Variants in APBB2 observed in about 807,000 individuals in gnomAD.
APBB2 encodes the protein Fe65-like 1.
A neutral mutation model predicts 82.5 loss-of-function variants in APBB2; 38 were observed. The observed-to-expected ratio is 0.46, with a 90% CI of 0.36 to 0.60. APBB2 has a LOEUF of 0.60. Ranked by LOEUF, APBB2 falls within the 20% of genes least tolerant of loss-of-function variation. The pLI is 0.00. For missense variants in APBB2, 772 were observed against 972.3 expected (o/e 0.79, Z 2.74); for synonymous variants, 341 against 368.2 (o/e 0.93, Z 0.85).
chr4:41,149,756 C>T (rs1030485172), intron 1 of APBB2, among the ~76,000 whole-genome samples: 4 of 152,062 alleles, frequency 2.6e-5, no homozygotes, highest in East Asian at 1.9e-4. Flanking sequence ...ACCCAGTGGG[C>T]GGTAACTGAA....
At chr4:41,112,866 A>G (rs929858223) in intron 2 of APBB2, among the ~76,000 whole-genome samples, 1 of 152,148 alleles carries the variant, frequency 6.6e-6, no homozygotes, top group Non-Finnish European at 1.5e-5. Context: ...ATGCACCTGT[A>G]ATCCCAGCTA....
intron 1 of APBB2, among the ~76,000 whole-genome samples, chr4:41,179,669 T>C (rs538574040): frequency 3.3e-4 from 50 of 152,356 alleles, no homozygotes; most frequent in African/African-American, 9.6e-4. Flanking sequence ...TAAATGCTGG[T>C]ACAAGAAATG....
intron 12 of APBB2, chr4:40,880,977 T>A: frequency 1.0e-6 from 1 of 985,422 alleles, no homozygotes; most frequent in Non-Finnish European, 1.2e-6. Flanking sequence ...GCCCTCCCAC[T>A]TTCCTCTAAG....
At chr4:41,098,987 T>C (rs1056654253) in intron 3 of APBB2, among the ~76,000 whole-genome samples, 4 of 152,206 alleles carry the variant, frequency 2.6e-5, no homozygotes, top group African/African-American at 9.6e-5. Flanking sequence ...TAACATGTGA[T>C]TACAAGACAA....
chr4:40,946,779 G>A (rs530212006), intron 6 of APBB2, among the ~76,000 whole-genome samples: 8 of 152,276 alleles, frequency 5.3e-5, no homozygotes, highest in African/African-American at 9.6e-5. Context: ...AAAAGCAACC[G>A]GAGTGCTTTC....
intron 12 of APBB2, among the ~76,000 whole-genome samples, chr4:40,831,843 T>C (rs2164344): frequency 0.8 from 121,634 of 152,084 alleles, 49,125 homozygotes; most frequent in African/African-American, 0.9. Flanking sequence ...ATGCAGCCGA[T>C]GTTGGGTGTT....
intron 3 of APBB2, among the ~76,000 whole-genome samples, chr4:41,071,424 T>C (rs1733835991): frequency 6.6e-6 from 1 of 152,222 alleles, no homozygotes; most frequent in South Asian, 2.1e-4. Context: ...CTCACACCTA[T>C]AATCCTAGCA....
intron 17 of APBB2, among the ~76,000 whole-genome samples, chr4:40,820,695 C>T (rs180942540): frequency 2.0e-5 from 3 of 152,042 alleles, no homozygotes; most frequent in Admixed American, 6.5e-5. Flanking sequence ...AATCTAAATA[C>T]AATCAATTCA....
chr4:40,939,823 T>C (rs1786369955), intron 7 of APBB2, among the ~76,000 whole-genome samples: 1 of 152,082 alleles, frequency 6.6e-6, no homozygotes. Context: ...TATCAGAAGA[T>C]TACAGCATTA....
intron 12 of APBB2, chr4:40,881,314 G>T (rs1466831183): frequency 2.0e-6 from 2 of 984,968 alleles, no homozygotes; most frequent in African/African-American, 3.5e-5. Context: ...GCAGATCTTG[G>T]AATTCCATCA....
chr4:41,062,414 G>A (rs140882116), intron 4 of APBB2, among the ~76,000 whole-genome samples: 6,660 of 151,858 alleles, frequency 0.044, 226 homozygotes, highest in Middle Eastern at 0.082. Flanking sequence ...CCTGACCTCC[G>A]GTGATCCGCC....
chr4:41,019,391 G>A (rs1579291306), intron 5 of APBB2, among the ~76,000 whole-genome samples: 1 of 152,180 alleles, frequency 6.6e-6, no homozygotes, highest in Non-Finnish European at 1.5e-5. Context: ...CACGCTAGGA[G>A]GGAAGAGAGG....
At chr4:40,894,015 G>A (rs1053094424) in intron 10 of APBB2, among the ~76,000 whole-genome samples, 3 of 150,766 alleles carry the variant, frequency 2.0e-5, no homozygotes, top group Non-Finnish European at 3.0e-5. Context: ...AGGGCCGGGC[G>A]CGGTGGCTCA....
chr4:40,998,676 T>C (rs1410026611), intron 6 of APBB2, among the ~76,000 whole-genome samples: 2 of 152,086 alleles, frequency 1.3e-5, no homozygotes, highest in African/African-American at 4.8e-5. Flanking sequence ...ATTAAAGAGA[T>C]TTTCAAATAC....
chr4:40,982,845 G>C (rs990573455), intron 6 of APBB2, among the ~76,000 whole-genome samples: 2 of 152,002 alleles, frequency 1.3e-5, no homozygotes, highest in African/African-American at 2.4e-5. Context: ...AATGCAGCAA[G>C]TACAAAAGTA....
intron 12 of APBB2, among the ~76,000 whole-genome samples, chr4:40,857,990 G>A (rs894003110): frequency 1.3e-5 from 2 of 152,100 alleles, no homozygotes; most frequent in Admixed American, 6.6e-5. Flanking sequence ...TTTACACAAA[G>A]CACTTAGCAG....
At chr4:41,023,627 G>C (rs1284826832) in intron 5 of APBB2, among the ~76,000 whole-genome samples, 1 of 152,104 alleles carries the variant, frequency 6.6e-6, no homozygotes, top group Admixed American at 6.6e-5. Context: ...GCTAACCAGG[G>C]AAGTGAAAGA....
intron 6 of APBB2, among the ~76,000 whole-genome samples, chr4:40,965,244 C>G (rs1406963650): frequency 1.3e-5 from 2 of 152,096 alleles, no homozygotes; most frequent in African/African-American, 4.8e-5. Context: ...ATGCGTGGAG[C>G]AGGGATGAAA....
chr4:40,961,886 G>C (rs1793403972), intron 6 of APBB2, among the ~76,000 whole-genome samples: 1 of 152,030 alleles, frequency 6.6e-6, no homozygotes, highest in African/African-American at 2.4e-5. Flanking sequence ...ACTGCATTGG[G>C]CTTATTTTTT....
Sources: allele counts gnomAD v4.1 joint callset (sites outside exome capture counted in the v4.1 genomes callset), GRCh38; gene constraint gnomAD v4.1.1; transcripts MANE v1.5; gene names NCBI Gene and HGNC (gene_info 2026-07-23, HGNC 2026-07-21).